The following PDE11A variants were observed in gnomAD, a reference collection of about 807,000 sequenced individuals.
PDE11A encodes the protein dual 3',5'-cyclic-AMP and -GMP phosphodiesterase 11A.
In PDE11A, 100 loss-of-function variants were observed where a neutral mutation model predicts 100.5. The ratio of observed to expected loss-of-function variants is 1.00; its 90% CI spans 0.85 to 1.18. The LOEUF is 1.18. PDE11A is among the 50% of genes most tolerant of loss of function. The probability of loss-of-function intolerance (pLI) is 0.00; values close to 1 mark genes in which losing one functional copy is unlikely to be tolerated. For missense variants in PDE11A, 1,141 were observed against 1,152.6 expected (o/e 0.99, Z 0.15); for synonymous variants, 381 against 420.8 (o/e 0.91, Z 1.16).
chr2:178,028,505 G>A (rs1049548803), intron 1 of PDE11A, among the ~76,000 whole-genome samples: 2 of 152,164 alleles, frequency 1.3e-5, no homozygotes, highest in East Asian at 3.9e-4. Context: ...TCACATAAAT[G>A]TTTGTGAGTA....
chr2:177,644,561 G>A (rs1484913134), intron 19 of PDE11A, among the ~76,000 whole-genome samples: 1 of 152,200 alleles, frequency 6.6e-6, no homozygotes, highest in Non-Finnish European at 1.5e-5. Flanking sequence ...GAAGGGATTT[G>A]CCTTATCTCA....
At chr2:177,766,352 C>A (rs139749237) in intron 10 of PDE11A, among the ~76,000 whole-genome samples, 65 of 152,292 alleles carry the variant, frequency 4.3e-4, no homozygotes, top group Non-Finnish European at 8.4e-4. Flanking sequence ...CTGCTGCTCA[C>A]CTCCTGCTGT....
chr2:177,633,169 A>C (rs1344595835), intron 19 of PDE11A, among the ~76,000 whole-genome samples: 1 of 152,260 alleles, frequency 6.6e-6, no homozygotes. Flanking sequence ...AACACCTTGC[A>C]GGTGCATCCC....
chr2:177,905,000 T>A, intron 3 of PDE11A, 98 bp downstream of exon 3: 1 of 770,448 alleles, frequency 1.3e-6, no homozygotes, highest in Admixed American at 1.8e-5. Context: ...CCTGTACTAT[T>A]CAAAGATCAT....
At chr2:177,789,685 G>T (rs1185324896) in intron 9 of PDE11A, among the ~76,000 whole-genome samples, 1 of 152,134 alleles carries the variant, frequency 6.6e-6, no homozygotes, top group Non-Finnish European at 1.5e-5. Flanking sequence ...AGCAACTTAA[G>T]CAAAGTCTCA....
intron 1 of PDE11A, among the ~76,000 whole-genome samples, chr2:178,026,202 T>C (rs1257322354): frequency 1.3e-5 from 2 of 152,176 alleles, no homozygotes; most frequent in African/African-American, 4.8e-5. Flanking sequence ...GTAACTGATA[T>C]GTAGGCAGCT....
intron 19 of PDE11A, among the ~76,000 whole-genome samples, chr2:177,657,439 C>A (rs1238506568): frequency 2.0e-5 from 3 of 152,198 alleles, no homozygotes; most frequent in Non-Finnish European, 2.9e-5. Context: ...CTACTTGTAG[C>A]TTTGCAAGGT....
intron 19 of PDE11A, among the ~76,000 whole-genome samples, chr2:177,654,345 C>A (rs1397183547): frequency 6.6e-6 from 1 of 152,082 alleles, no homozygotes; most frequent in Non-Finnish European, 1.5e-5. Context: ...TGTGGTGAAA[C>A]CTTGTCTCTA....
intron 9 of PDE11A, among the ~76,000 whole-genome samples, chr2:177,775,808 A>T (rs1035183545): frequency 1.3e-5 from 2 of 152,140 alleles, no homozygotes; most frequent in African/African-American, 4.8e-5. Flanking sequence ...TGTTAACTCC[A>T]TTATTCTCTG....
rs565002648 is a variant in PDE11A, at chr2:177,772,343, G to A, written c.1738-2970C>T. Among the ~76,000 whole-genome samples the A allele has an allele frequency of 2.4e-4, 37 of 152,220 alleles. No homozygotes were observed. The East Asian group carries it at 7.1e-3, about 29-fold the overall frequency. On this transcript the variant is annotated intron_variant, in intron 9 of 19. Transcript: ENST00000286063. The stretch of plus-strand genomic sequence containing the variant: ...AGGAAGATTAAATGCAATACTACAT[G>A]TAAAATAATGTGGCACACAAATAGC...
chr2:177,933,562 T>C (rs540779613), intron 2 of PDE11A, among the ~76,000 whole-genome samples: 317 of 152,140 alleles, frequency 2.1e-3, no homozygotes, highest in African/African-American at 7.0e-3. Flanking sequence ...GCACCTATAG[T>C]CTCAGCTACT....
At chr2:177,848,505 T>C (rs13426284) in intron 5 of PDE11A, among the ~76,000 whole-genome samples, 3,476 of 152,328 alleles carry the variant, frequency 0.023, 114 homozygotes, top group African/African-American at 0.08. Flanking sequence ...TAAGAAAATG[T>C]AGGTTTTTAA....
rs1428219876 is a variant in PDE11A, at chr2:177,625,366, C to G, written c.*4041G>C. On this transcript the variant is annotated 3_prime_UTR_variant, in exon 20 of 20. Transcript: ENST00000286063. ...TATGTAATAGATGGAGATTCTAAGA[C>G]TTGGAGAGTCCTAAGATTACAGGTT... 1.3e-5 allele frequency: 2 copies of G among 152,564 alleles called. No homozygotes were observed. Among genetic ancestry groups the G allele is most frequent in the East Asian group, 3.9e-4 (2 of 5,194 alleles). 9.5% of individuals were successfully genotyped at this position (152,564 alleles called of 1,614,324 possible).
intron 5 of PDE11A, among the ~76,000 whole-genome samples, chr2:177,852,831 T>A (rs1399838774): frequency 6.6e-6 from 1 of 152,216 alleles, no homozygotes; most frequent in African/African-American, 2.4e-5. Flanking sequence ...AAATTTATCA[T>A]GATCTGTTAG....
At chr2:177,682,737 C>G (rs1175048797) in intron 15 of PDE11A, among the ~76,000 whole-genome samples, 2 of 150,198 alleles carry the variant, frequency 1.3e-5, no homozygotes, top group Non-Finnish European at 3.0e-5. Flanking sequence ...ATGTTCCTGC[C>G]AAGTAGGTTT....
At chr2:177,755,518 G>C (rs535245078) in intron 10 of PDE11A, among the ~76,000 whole-genome samples, 33 of 152,246 alleles carry the variant, frequency 2.2e-4, no homozygotes, top group African/African-American at 7.7e-4. Flanking sequence ...CCATCCACCA[G>C]GTACCTCTTT....
In PDE11A at chr2:177,771,774, G is replaced by A. The variant is rs543147724; in HGVS notation, c.1738-2401C>T. 5.5e-4 allele frequency among the ~76,000 whole-genome samples: 84 copies of A among 152,214 alleles called. 1 individual carries two copies. Among genetic ancestry groups the A allele is most frequent in the Middle Eastern group, 6.8e-3 (2 of 294 alleles). Reference sequence around the variant, plus strand: ...GTTACTTTCTGTGGGAGGCTGAGGCGGGCAGATCACCTGAGGTGAGGAGTT... The same window carrying A: ...GTTACTTTCTGTGGGAGGCTGAGGCAGGCAGATCACCTGAGGTGAGGAGTT... On this transcript the variant is annotated intron_variant, in intron 9 of 19. Coordinates refer to ENST00000286063, the MANE Select transcript of PDE11A (RefSeq NM_016953.4).
chr2:178,071,435 A>G, intron 1 of PDE11A, 91 bp downstream of exon 1: 1 of 1,551,308 alleles, frequency 6.4e-7, no homozygotes, highest in Non-Finnish European at 8.9e-7. Flanking sequence ...AAGAGCCTAA[A>G]TTAATGTGTT....
chr2:177,801,276 T>G (rs2082789880), intron 9 of PDE11A, among the ~76,000 whole-genome samples: 2 of 152,172 alleles, frequency 1.3e-5, no homozygotes, highest in African/African-American at 4.8e-5. Flanking sequence ...TATAATAAAT[T>G]TATCTTGCTA....
Sources: gnomAD v4.1 joint callset for allele counts (sites outside exome capture counted in the v4.1 genomes callset) on GRCh38, gnomAD v4.1.1 for gene constraint, MANE v1.5 for transcripts, NCBI Gene and HGNC (gene_info 2026-07-23, HGNC 2026-07-21) for gene names.